Variants in PARD3B observed in about 807,000 individuals in gnomAD.
PARD3B encodes the protein partitioning defective 3 homolog B.
PARD3B carries 103 observed loss-of-function variants against 130.2 expected under a neutral mutation model. That is an observed-to-expected ratio of 0.79 (90% CI 0.67 to 0.93). The LOEUF (loss-of-function observed/expected upper bound fraction) is 0.93, where lower values mean the gene tolerates loss of function less well. Among genes scored for constraint, PARD3B ranks in the 40% least tolerant of loss-of-function variants. The pLI, the probability that PARD3B is intolerant of heterozygous loss-of-function variation, is 0.00. For missense variants in PARD3B, 1,609 were observed against 1,499.2 expected (o/e 1.07, Z -1.21); for synonymous variants, 583 against 553.2 (o/e 1.05, Z -0.76).
chr2:205,380,082 A>T (rs1431818600), intron 18 of PARD3B, among the ~76,000 whole-genome samples: 1 of 137,568 alleles, frequency 7.3e-6, no homozygotes, highest in Non-Finnish European at 1.5e-5. Flanking sequence ...AAAAAAAAAA[A>T]TATGTATATA....
chr2:204,966,470 C>T (rs1196288429), intron 3 of PARD3B, among the ~76,000 whole-genome samples: 5 of 152,064 alleles, frequency 3.3e-5, no homozygotes, highest in Non-Finnish European at 5.9e-5. Context: ...CATTCATTTG[C>T]ATAATGGATG....
At chr2:204,989,595 T>C (rs950301824) in intron 3 of PARD3B, among the ~76,000 whole-genome samples, 2 of 152,178 alleles carry the variant, frequency 1.3e-5, no homozygotes, top group Non-Finnish European at 2.9e-5. Flanking sequence ...TATTTCACTT[T>C]TCTGTGGAAT....
chr2:204,912,181 T>C (rs2047262511), intron 2 of PARD3B, among the ~76,000 whole-genome samples: 6 of 152,208 alleles, frequency 3.9e-5, no homozygotes, highest in Admixed American at 3.9e-4. Flanking sequence ...TATTTTGATA[T>C]ACATATTTTA....
chr2:204,827,237 C>A (rs2043618324), intron 2 of PARD3B, among the ~76,000 whole-genome samples: 1 of 152,304 alleles, frequency 6.6e-6, no homozygotes, highest in Non-Finnish European at 1.5e-5. Flanking sequence ...AGCAATCCAG[C>A]ATTGGCAACA....
chr2:204,551,195 T>C (rs2030432088), intron 1 of PARD3B, among the ~76,000 whole-genome samples: 1 of 152,192 alleles, frequency 6.6e-6, no homozygotes, highest in African/African-American at 2.4e-5. Flanking sequence ...CTGCTCAGTG[T>C]TATATTTTGA....
intron 2 of PARD3B, among the ~76,000 whole-genome samples, chr2:204,737,101 C>A (rs1348056757): frequency 1.3e-5 from 2 of 152,048 alleles, no homozygotes; most frequent in African/African-American, 2.4e-5. Flanking sequence ...TATGGAATTA[C>A]AGCTGGAATT....
At chr2:205,565,402 G>T (rs2053287109) in intron 22 of PARD3B, among the ~76,000 whole-genome samples, 1 of 152,134 alleles carries the variant, frequency 6.6e-6, no homozygotes, top group Non-Finnish European at 1.5e-5. Flanking sequence ...TGTTAAATGT[G>T]CAACAAACAC....
rs957002906 is a variant in PARD3B, at chr2:205,276,027, A to G, written c.2186-24503A>G. On this transcript the variant is annotated intron_variant, in intron 16 of 22. Coordinates refer to ENST00000406610, the MANE Select transcript of PARD3B (RefSeq NM_001302769.2). The surrounding 1 kb of genome is among the most constrained non-coding windows in gnomAD (Gnocchi z 5.0). ...CAGTAATCTCAGGTGTGTTCATATT[A>G]TCATTATTTAGTCTGAGAAATCTAT... is the stretch of plus-strand genomic sequence containing the variant. Among the ~76,000 whole-genome samples the G allele has an allele frequency of 5.3e-5, 8 of 152,240 alleles. No individual in the cohort carries two copies. Among genetic ancestry groups the G allele is most frequent in the African/African-American group, 1.9e-4 (8 of 41,530 alleles).
At chr2:204,893,508 CTG>C (rs2046525781) in intron 2 of PARD3B, among the ~76,000 whole-genome samples, 1 of 152,064 alleles carries the variant, frequency 6.6e-6, no homozygotes, top group African/African-American at 2.4e-5. Context: ...GATTCTAAAG[CTG>C]TGCTGTCCAA....
At chr2:204,915,092 G>A (rs964765097) in intron 2 of PARD3B, among the ~76,000 whole-genome samples, 2 of 152,136 alleles carry the variant, frequency 1.3e-5, no homozygotes, top group African/African-American at 4.8e-5. Context: ...CACCCTTACT[G>A]TACCTCTAAG....
Position 205,176,451 on chromosome 2 carries a change from G to A in PARD3B, c.1798G>A (p.Ala600Thr). The A allele has an allele frequency of 1.2e-6, 2 of 1,603,792 alleles. No individual in the cohort carries two copies. Among genetic ancestry groups the A allele is most frequent in the Non-Finnish European group, 1.7e-6 (2 of 1,176,904 alleles). The change falls in exon 13 of 23, where the codon GCA becomes ACA. Residue 600 changes from alanine (A) to threonine (T), a missense_variant. Physicochemically the swap from Ala to Thr is moderately conservative, Grantham distance 58 (BLOSUM62 0). Coordinates refer to ENST00000406610, the MANE Select transcript of PARD3B (RefSeq NM_001302769.2). The surrounding 1 kb of genome is among the most constrained non-coding windows in gnomAD (Gnocchi z 5.3). ...RRPERPMEDP[A>T]ECGAFSKPCF... The stretch of plus-strand genomic sequence containing the variant: ...TTTTACTTTTATCTCTTAGGATCCT[G>A]CAGAGTGTGGGGCATTTTCCAAGCC...
chr2:204,839,031 G>A (rs2044166314), intron 2 of PARD3B, among the ~76,000 whole-genome samples: 2 of 152,176 alleles, frequency 1.3e-5, no homozygotes, highest in South Asian at 4.1e-4. Context: ...CTACACCAAA[G>A]TAAGCTAGAT....
At chr2:205,389,420 T>A (rs2045772571) in intron 18 of PARD3B, among the ~76,000 whole-genome samples, 1 of 152,172 alleles carries the variant, frequency 6.6e-6, no homozygotes, top group African/African-American at 2.4e-5. Flanking sequence ...TGGAGTGCAA[T>A]GACGCTATGT....
At chr2:204,636,476 G>C (rs1391770420) in intron 1 of PARD3B, among the ~76,000 whole-genome samples, 2 of 150,650 alleles carry the variant, frequency 1.3e-5, no homozygotes, top group Non-Finnish European at 2.9e-5. Flanking sequence ...GTGTGTGTGT[G>C]TGTGTGTGTG....
chr2:205,432,027 G>C (rs2047355894), intron 19 of PARD3B, among the ~76,000 whole-genome samples: 1 of 152,126 alleles, frequency 6.6e-6, no homozygotes, highest in African/African-American at 2.4e-5. Context: ...ATTGATGTCA[G>C]TTCATCTTTT....
intron 2 of PARD3B, among the ~76,000 whole-genome samples, chr2:204,834,753 T>C (rs1372703667): frequency 6.6e-6 from 1 of 152,158 alleles, no homozygotes; most frequent in African/African-American, 2.4e-5. Context: ...TCTACCCCTA[T>C]CCTCCCATAG....
In PARD3B at chr2:205,229,357, T is replaced by C. The variant is rs578223927; in HGVS notation, c.2141-16421T>C. Among the ~76,000 whole-genome samples, 1 of 152,258 alleles carries C rather than the reference T, an allele frequency of 6.6e-6. No homozygotes were observed. Among genetic ancestry groups the C allele is most frequent in the African/African-American group, 2.4e-5 (1 of 41,568 alleles). Reference sequence around the variant, plus strand: ...TTCGGCCCCTGCAACCATAACTGCATTAGGGGGCACCCCAAGCCCAGTAAT... The same window carrying C: ...TTCGGCCCCTGCAACCATAACTGCACTAGGGGGCACCCCAAGCCCAGTAAT... On this transcript the variant is annotated intron_variant, in intron 15 of 22. Coordinates refer to ENST00000406610, the MANE Select transcript of PARD3B (RefSeq NM_001302769.2). The surrounding 1 kb of genome is among the most constrained non-coding windows in gnomAD (Gnocchi z 5.2).
chr2:205,390,189 A>G (rs1262485248), intron 18 of PARD3B, among the ~76,000 whole-genome samples: 2 of 151,538 alleles, frequency 1.3e-5, no homozygotes, highest in Non-Finnish European at 2.9e-5. Flanking sequence ...ATAATTTAAG[A>G]TTTTTATGAC....
intron 1 of PARD3B, among the ~76,000 whole-genome samples, chr2:204,578,732 A>C (rs759433404): frequency 5.9e-5 from 9 of 152,172 alleles, no homozygotes; most frequent in African/African-American, 1.4e-4. Context: ...TGAGCAGTTA[A>C]AAGTGTCACC....
Sources: allele counts gnomAD v4.1 joint callset (sites outside exome capture counted in the v4.1 genomes callset), GRCh38; gene constraint gnomAD v4.1.1; non-coding constraint Gnocchi (gnomAD v3.1); transcripts MANE v1.5; gene names NCBI Gene and HGNC (gene_info 2026-07-23, HGNC 2026-07-21).